The following FGF3 variants were observed in gnomAD, a reference collection of about 807,000 sequenced individuals.
FGF3 encodes FGF-3.
FGF3 carries 7 observed loss-of-function variants against 9.8 expected under a neutral mutation model. The ratio of observed to expected loss-of-function variants is 0.72; its 90% CI spans 0.41 to 1.35. The LOEUF (loss-of-function observed/expected upper bound fraction) is 1.35, where lower values mean the gene tolerates loss of function less well. FGF3 is among the 40% of genes most tolerant of loss of function. The pLI, the probability that FGF3 is intolerant of heterozygous loss-of-function variation, is 0.01. For missense variants in FGF3, 390 were observed against 345.6 expected, an observed-to-expected ratio of 1.13 and a Z score of -1.02; for synonymous variants, 173 against 157.2, an observed-to-expected ratio of 1.10 and a Z score of -0.75.
At chr11:69,813,844 T>TTGC (rs1856079480) in intron 2 of FGF3, among the ~76,000 whole-genome samples, 3 of 26,070 alleles carry the variant, frequency 1.2e-4, no homozygotes, top group Non-Finnish European at 2.3e-4. Flanking sequence ...GGATGGCTGG[T>TTGC]TGGATGGATG....
intron 1 of FGF3, among the ~76,000 whole-genome samples, chr11:69,818,391 C>G (rs1213681883): frequency 6.6e-6 from 1 of 152,150 alleles, no homozygotes; most frequent in Admixed American, 6.5e-5. Flanking sequence ...TCCCCTCAGA[C>G]CAGCGGGCCG....
rs782785782 is a variant in FGF3, at chr11:69,816,460, C to T, written c.221-37G>A. The T allele has an allele frequency of 3.2e-6, 5 of 1,551,912 alleles. No individual in the cohort carries two copies. In the African/African-American group the frequency reaches 5.4e-5, roughly 17 times the overall value. On this transcript the variant is annotated intron_variant, in intron 1 of 2. Coordinates refer to ENST00000334134, the MANE Select transcript of FGF3 (RefSeq NM_005247.4). ...GAGAGGTGCCTCACTCCCGCCGCCC[C>T]CACGGAGGGGGCGGCTGAGGCCCAG... is the stretch of plus-strand genomic sequence containing the variant.
chr11:69,818,413 G>C (rs977201646), intron 1 of FGF3, among the ~76,000 whole-genome samples: 15 of 152,152 alleles, frequency 9.9e-5, no homozygotes, highest in Admixed American at 3.9e-4. Flanking sequence ...ACCGGGGACG[G>C]ACTCTGACAG....
Position 69,810,207 on chromosome 11 carries a change from C to T in FGF3, c.*98G>A, listed in dbSNP as rs1420134293. ...CTGGAAATAGCTGAGAACCCAGACGCGGGACGCAGGGGCAAGGGCTCAAGG... is the reference window on the plus strand; with the variant it reads ...CTGGAAATAGCTGAGAACCCAGACGTGGGACGCAGGGGCAAGGGCTCAAGG... On this transcript the variant is annotated 3_prime_UTR_variant, in exon 3 of 3. Transcript: ENST00000334134. 7 of 1,193,274 alleles carry T rather than the reference C, an allele frequency of 5.9e-6. No homozygotes were observed. The highest frequency in any genetic ancestry group is 3.1e-5 in the African/African-American group (2 of 64,946). 73.9% of individuals were successfully genotyped at this position (1,193,274 alleles called of 1,614,324 possible).
At position 69,810,119 on chromosome 11, in the gene FGF3, G is replaced by C; in HGVS notation, c.*186C>G. On this transcript the variant is annotated 3_prime_UTR_variant, in exon 3 of 3. Coordinates refer to ENST00000334134, the MANE Select transcript of FGF3 (RefSeq NM_005247.4). ...CCACAAATGCCCTGCATTGCAGGCA[G>C]CCCCCTCCGAGCTCCGACTTGGGCC... 1 of 585,118 alleles carries C rather than the reference G, an allele frequency of 1.7e-6. No homozygotes were observed. The highest frequency in any genetic ancestry group is 2.9e-6 in the Non-Finnish European group (1 of 344,058). 36.2% of individuals were successfully genotyped at this position (585,118 alleles called of 1,614,324 possible).
chr11:69,810,296 C>A lies in FGF3; in HGVS notation c.*9G>T. The A allele has an allele frequency of 6.4e-7, 1 of 1,552,096 alleles. No individual in the cohort carries two copies. Among genetic ancestry groups the A allele is most frequent in the Non-Finnish European group, 8.7e-7 (1 of 1,143,268 alleles). ...CGCCAGGAGCTCTGGCGGTGGCCAC[C>A]AGGCCCAGCTAGTGCGCACTGGCCT... On this transcript the variant is annotated 3_prime_UTR_variant, in exon 3 of 3. Coordinates refer to ENST00000334134, the MANE Select transcript of FGF3 (RefSeq NM_005247.4).
intron 2 of FGF3, among the ~76,000 whole-genome samples, chr11:69,811,875 G>T (rs543773763): frequency 6.6e-6 from 1 of 152,356 alleles, no homozygotes; most frequent in Admixed American, 6.5e-5. Context: ...CCCTCTCAAA[G>T]GCACAGTGAA....
Position 69,814,841 on chromosome 11 carries a change from G to A in FGF3, c.324+1479C>T, listed in dbSNP as rs116945788. ...AGCCAGGCTGTGAGTTCTCAGGCAC[G>A]GAAGCCCCAGGTGGGCTCTGAACCA... On this transcript the variant is annotated intron_variant, in intron 2 of 2. Transcript: ENST00000334134. Among the ~76,000 whole-genome samples, 99 of 152,260 alleles carry A rather than the reference G, an allele frequency of 6.5e-4. No homozygotes were observed. In the East Asian group the frequency reaches 0.017, roughly 26 times the overall value.
chr11:69,816,659 T>G (rs1856138923), intron 1 of FGF3, among the ~76,000 whole-genome samples: 1 of 152,138 alleles, frequency 6.6e-6, no homozygotes, highest in African/African-American at 2.4e-5. Flanking sequence ...AACAATGAAA[T>G]TAACATTCCC....
At position 69,819,029 on chromosome 11, in the gene FGF3, C is replaced by T; in HGVS notation, c.-96G>A. The T allele has an allele frequency of 2.7e-6, 2 of 733,938 alleles. No individual in the cohort carries two copies. The highest frequency in any genetic ancestry group is 4.0e-6 in the Non-Finnish European group (2 of 500,442). The allele number at this position is 733,938 out of a possible 1,614,324, so 45.5% of individuals were successfully genotyped here. The stretch of plus-strand genomic sequence containing the variant: ...CCGGACAGCTGCGAGGTGCTCGGAG[C>T]GGGATCCCGCGCCTGGAGATGCTGA... On this transcript the variant is annotated 5_prime_UTR_variant, in exon 1 of 3. Transcript: ENST00000334134.
At position 69,810,246 on chromosome 11, in the gene FGF3, T is replaced by G; in HGVS notation, c.*59A>C. 6.8e-7 allele frequency: 1 copy of G among 1,464,004 alleles called. No individual in the cohort carries two copies. Among genetic ancestry groups the G allele is most frequent in the Non-Finnish European group, 9.2e-7 (1 of 1,090,786 alleles). 90.7% of individuals were successfully genotyped at this position (1,464,004 alleles called of 1,614,324 possible). A position where few individuals can be genotyped will look rare whatever the true frequency, so the allele number is the denominator to read the frequency against. ...AAGGGCTCAAGGAGGAGAGTCAGAG[T>G]CAAGAGGCTGCCACGCCAAGATGTC... On this transcript the variant is annotated 3_prime_UTR_variant, in exon 3 of 3. Coordinates refer to ENST00000334134, the MANE Select transcript of FGF3 (RefSeq NM_005247.4).
chr11:69,815,124 T>C (rs1565115594), intron 2 of FGF3, among the ~76,000 whole-genome samples: 3 of 147,318 alleles, frequency 2.0e-5, no homozygotes, highest in Non-Finnish European at 4.5e-5. Flanking sequence ...GATGGATGGA[T>C]GGATGGATGG....
At position 69,810,122 on chromosome 11, in the gene FGF3, C is replaced by T. The variant is rs527957861; in HGVS notation, c.*183G>A. On this transcript the variant is annotated 3_prime_UTR_variant, in exon 3 of 3. Coordinates refer to ENST00000334134, the MANE Select transcript of FGF3 (RefSeq NM_005247.4). ...CAAATGCCCTGCATTGCAGGCAGCCCCCTCCGAGCTCCGACTTGGGCCCTC... is the reference window on the plus strand; with the variant it reads ...CAAATGCCCTGCATTGCAGGCAGCCTCCTCCGAGCTCCGACTTGGGCCCTC... The T allele has an allele frequency of 2.0e-4, 116 of 594,242 alleles. No individual in the cohort carries two copies. The highest frequency in any genetic ancestry group is 1.8e-3 in the African/African-American group (94 of 53,614). The allele number at this position is 594,242 out of a possible 1,614,324, so 36.8% of individuals were successfully genotyped here. A position where few individuals can be genotyped will look rare whatever the true frequency, so the allele number is the denominator to read the frequency against.
Position 69,810,519 on chromosome 11 carries a change from G to A in FGF3, c.506C>T (p.Thr169Ile). Residue 169 changes from threonine (T) to isoleucine (I), a missense_variant, in exon 3 of 3, where the codon ACC (threonine) becomes ATC (isoleucine). Physicochemically the swap from Thr to Ile is moderately conservative, Grantham distance 89. Transcript: ENST00000334134. Reference sequence around the variant, plus strand: ...CAGGGAGGACTTCTGTGTGCGGCGGGTCTTGAAGCCCCTGCGGGGCCGGCC... The same window carrying A: ...CAGGGAGGACTTCTGTGTGCGGCGGATCTTGAAGCCCCTGCGGGGCCGGCC... ...GKGRPRRGFK[T>I]RRTQKSSLFL... The A allele has an allele frequency of 6.2e-7, 1 of 1,611,136 alleles. No individual in the cohort carries two copies. The highest frequency in any genetic ancestry group is 2.2e-5 in the East Asian group (1 of 44,800).
intron 2 of FGF3, among the ~76,000 whole-genome samples, chr11:69,811,571 T>C (rs535588318): frequency 3.9e-5 from 6 of 151,998 alleles, no homozygotes; most frequent in Non-Finnish European, 7.4e-5. Flanking sequence ...AGACTCTCCA[T>C]TAAACGCTGC....
chr11:69,818,673 G>T, intron 1 of FGF3, 41 bp downstream of exon 1: 1 of 1,414,212 alleles, frequency 7.1e-7, no homozygotes. Flanking sequence ...GACCCCTCCC[G>T]GCGCCGCTTC....
At chr11:69,810,820 G>C (rs1479813832) in intron 2 of FGF3, 120 bp from the exon 3 acceptor site, 1 of 843,888 alleles carries the variant, frequency 1.2e-6, no homozygotes, top group Non-Finnish European at 1.8e-6. Flanking sequence ...CCAAACCCCA[G>C]CGCACTCTCA....
At position 69,816,315 on chromosome 11, in the gene FGF3, C is replaced by G; in HGVS notation, c.324+5G>C. The stretch of plus-strand genomic sequence containing the variant: ...GCGCCCACCCACGTGACAGCCTGGA[C>G]TCACCGAAGCATAGAGTCGTCCCCT... On this transcript the variant is annotated splice_donor_5th_base_variant and intron_variant, in intron 2 of 2. Transcript: ENST00000334134. 6.2e-7 allele frequency: 1 copy of G among 1,610,720 alleles called. No individual in the cohort carries two copies. Among genetic ancestry groups the G allele is most frequent in the Non-Finnish European group, 8.5e-7 (1 of 1,176,956 alleles).
intron 2 of FGF3, among the ~76,000 whole-genome samples, chr11:69,813,748 A>C (rs1048727753): frequency 2.9e-5 from 3 of 104,822 alleles, no homozygotes; most frequent in African/African-American, 3.7e-5. Context: ...GGATGGCTGG[A>C]TGGATGGATG....
Sources: gnomAD v4.1 joint callset for allele counts (sites outside exome capture counted in the v4.1 genomes callset) on GRCh38, gnomAD v4.1.1 for gene constraint, MANE v1.5 for transcripts, NCBI Gene and HGNC (gene_info 2026-07-23, HGNC 2026-07-21) for gene names.